The following BORCS7 variants were observed in gnomAD, a reference collection of about 807,000 sequenced individuals.
BORCS7 encodes BLOC-1-related complex subunit 7.
A neutral mutation model predicts 17.5 loss-of-function variants in BORCS7; 20 were observed. The ratio of observed to expected loss-of-function variants is 1.14; its 90% CI spans 0.80 to 1.66. The LOEUF (loss-of-function observed/expected upper bound fraction) is 1.66, where lower values mean the gene tolerates loss of function less well. Ranked by LOEUF, BORCS7 falls within the 40% of genes most tolerant of loss-of-function variation. The pLI, the probability that BORCS7 is intolerant of heterozygous loss-of-function variation, is 0.00. For synonymous variants in BORCS7, 57 were observed against 49.8 expected (o/e 1.14, Z -0.61); for missense variants, 122 against 129.7 (o/e 0.94, Z 0.29).
chr10:102,861,997 C>T (rs954011440), intron 3 of BORCS7, among the ~76,000 whole-genome samples, 163 bp from the exon 4 acceptor site: 3 of 152,180 alleles, frequency 2.0e-5, no homozygotes, highest in African/African-American at 7.2e-5. Context: ...GCTCTGCACT[C>T]AGACAGGAAT....
chr10:102,854,580 T>C (rs1283982144), intron 1 of BORCS7, 153 bp downstream of exon 1: 2 of 932,540 alleles, frequency 2.1e-6, no homozygotes, highest in Non-Finnish European at 3.1e-6. Flanking sequence ...TGTTGCATTC[T>C]GGGGTGTGCA....
rs574808435 is a variant in BORCS7 at position 102,863,132 on chromosome 10, G to A, written c.*208G>A. 2.3e-5 allele frequency: 10 copies of A among 443,464 alleles called. No homozygotes were observed. Among genetic ancestry groups the A allele is most frequent in the Non-Finnish European group, 3.7e-5 (9 of 243,394 alleles). 27.5% of individuals were successfully genotyped at this position (443,464 alleles called of 1,614,324 possible). On this transcript the variant is annotated 3_prime_UTR_variant, in exon 5 of 5. Coordinates refer to ENST00000339834, the MANE Select transcript of BORCS7 (RefSeq NM_001136200.2). Reference sequence around the variant, plus strand: ...GGGTGGATCACGAGGTCAGGAGTTCGAGACCAGCCTGGCCAAGATGGTGAA... The same window carrying A: ...GGGTGGATCACGAGGTCAGGAGTTCAAGACCAGCCTGGCCAAGATGGTGAA...
chr10:102,863,127 A>T lies in BORCS7; in HGVS notation c.*203A>T, dbSNP rs1168269395. ...GAGGCGGGTGGATCACGAGGTCAGG[A>T]GTTCGAGACCAGCCTGGCCAAGATG... is the stretch of plus-strand genomic sequence containing the variant. On this transcript the variant is annotated 3_prime_UTR_variant, in exon 5 of 5. Transcript: ENST00000339834. The T allele has an allele frequency of 2.2e-6, 1 of 460,570 alleles. No homozygotes were observed. Among genetic ancestry groups the T allele is most frequent in the African/African-American group, 2.0e-5 (1 of 49,624 alleles). The allele number at this position is 460,570 out of a possible 1,614,324, so 28.5% of individuals were successfully genotyped here. A position where few individuals can be genotyped will look rare whatever the true frequency, so the allele number is the denominator to read the frequency against.
Position 102,854,335 on chromosome 10 carries a change from G to A in BORCS7, c.49G>A (p.Val17Met), listed in dbSNP as rs775998610. The A allele has an allele frequency of 1.3e-6, 2 of 1,599,018 alleles. No homozygotes were observed. The highest frequency in any genetic ancestry group is 1.7e-6 in the Non-Finnish European group (2 of 1,172,778). Residue 17 changes from valine (V) to methionine (M), a missense_variant, in exon 1 of 5, where the codon GTG becomes ATG. By Grantham distance (21) the Val-to-Met change is conservative. Coordinates refer to ENST00000339834, the MANE Select transcript of BORCS7 (RefSeq NM_001136200.2). Reference protein sequence around the residue: ...PESQARFGQSVKGLLTEKVTT... With the variant: ...PESQARFGQSMKGLLTEKVTT... The stretch of plus-strand genomic sequence containing the variant: ...GTCTCAAGCGCGGTTCGGTCAGTCC[G>A]TGAAGGGGCTTCTCACGGAGAAGGT...
intron 1 of BORCS7, among the ~76,000 whole-genome samples, chr10:102,858,170 AAAAAAAAT>A (rs796647830): frequency 8.2e-6 from 1 of 121,632 alleles, no homozygotes; most frequent in African/African-American, 3.0e-5. Flanking sequence ...GTCTCAAAAA[AAAAAAAAT>A]ATATATATAT....
Position 102,863,170 on chromosome 10 carries a change from C to A in BORCS7, c.*246C>A. Reference sequence around the variant, plus strand: ...CCAAGATGGTGAAACCCCGTCTCTACTAAAAATACAAAGAATTAGCTGGGC... The same window carrying A: ...CCAAGATGGTGAAACCCCGTCTCTAATAAAAATACAAAGAATTAGCTGGGC... On this transcript the variant is annotated 3_prime_UTR_variant, in exon 5 of 5. Transcript: ENST00000339834. 1 of 336,976 alleles carries A rather than the reference C, an allele frequency of 3.0e-6. No homozygotes were observed. Among genetic ancestry groups the A allele is most frequent in the South Asian group, 3.8e-5 (1 of 26,570 alleles). The allele number at this position is 336,976 out of a possible 1,614,324, so 20.9% of individuals were successfully genotyped here. A position where few individuals can be genotyped will look rare whatever the true frequency, so the allele number is the denominator to read the frequency against.
rs1487686951 is a variant in BORCS7 at position 102,864,792 on chromosome 10, A to G, written c.*1868A>G. ...AAATAAACAACATACATAGAATTAA[A>G]TGGTGATCAAAAACATGGAAAAAAT... On this transcript the variant is annotated 3_prime_UTR_variant, in exon 5 of 5. Transcript: ENST00000339834. 1 of 152,182 alleles carries G rather than the reference A, an allele frequency of 6.6e-6. No individual in the cohort carries two copies. The highest frequency in any genetic ancestry group is 1.5e-5 in the Non-Finnish European group (1 of 68,002). The allele number at this position is 152,182 out of a possible 1,614,324, so 9.4% of individuals were successfully genotyped here.
At chr10:102,862,268 C>A (rs1844534789) in intron 4 of BORCS7, 88 bp downstream of exon 4, 2 of 1,272,302 alleles carry the variant, frequency 1.6e-6, no homozygotes, top group South Asian at 2.6e-5. Context: ...CAATACAAAA[C>A]CCTGGTTGAC....
At chr10:102,859,536 C>G (rs1844482677) in intron 1 of BORCS7, among the ~76,000 whole-genome samples, 1 of 93,154 alleles carries the variant, frequency 1.1e-5, no homozygotes, top group South Asian at 2.7e-4. Context: ...CTTCCCCACA[C>G]CCCCCACTGT....
intron 4 of BORCS7, 78 bp downstream of exon 4, chr10:102,862,258 C>A: frequency 7.2e-7 from 1 of 1,387,176 alleles, no homozygotes; most frequent in South Asian, 1.2e-5. Context: ...GGTCCAGAAT[C>A]AATACAAAAC....
At position 102,862,982 on chromosome 10, in the gene BORCS7, T is replaced by G; in HGVS notation, c.*58T>G. ...GCCTAATGCTGAGGAGTAAATACCT[T>G]ACACAGCTGTCCTCTGGGTTTGGTT... On this transcript the variant is annotated 3_prime_UTR_variant, in exon 5 of 5. Transcript: ENST00000339834. 7.2e-7 allele frequency: 1 copy of G among 1,384,814 alleles called. No individual in the cohort carries two copies. Among genetic ancestry groups the G allele is most frequent in the African/African-American group, 1.4e-5 (1 of 70,170 alleles). The allele number at this position is 1,384,814 out of a possible 1,614,324, so 85.8% of individuals were successfully genotyped here.
chr10:102,856,341 G>A (rs1437592002), intron 1 of BORCS7, among the ~76,000 whole-genome samples: 2 of 151,850 alleles, frequency 1.3e-5, no homozygotes, highest in Admixed American at 1.3e-4. Context: ...CTTAAGCCCA[G>A]GGGTTCGAGA....
intron 1 of BORCS7, among the ~76,000 whole-genome samples, chr10:102,856,183 C>A (rs1350181684): frequency 6.6e-6 from 1 of 152,168 alleles, no homozygotes; most frequent in African/African-American, 2.4e-5. Context: ...AGGCTTGTCT[C>A]TTGCATGCCT....
chr10:102,854,312 C>G lies in BORCS7; in HGVS notation c.26C>G (p.Ser9Cys). The G allele has an allele frequency of 1.2e-6, 2 of 1,604,910 alleles. No individual in the cohort carries two copies. Among genetic ancestry groups the G allele is most frequent in the Middle Eastern group, 1.7e-4 (1 of 6,040 alleles). The change falls in exon 1 of 5, where the codon TCT becomes TGT. Residue 9 changes from serine to cysteine, a missense_variant. By Grantham distance (112) the Ser-to-Cys change is moderately radical. Coordinates refer to ENST00000339834, the MANE Select transcript of BORCS7 (RefSeq NM_001136200.2). ...ATGATGGCGACTGGAACGCCAGAGT[C>G]TCAAGCGCGGTTCGGTCAGTCCGTG... MMATGTPE[S>C]QARFGQSVKG...
At position 102,862,935 on chromosome 10, in the gene BORCS7, A is replaced by AAG; in HGVS notation, c.*14_*15dup. ...CATCTGTTGAAATAGAATGACATGT[A>AAG]AGAGTGCTGTAGGACTCCTTTGCCT... On this transcript the variant is annotated 3_prime_UTR_variant, in exon 5 of 5. Transcript: ENST00000339834. The AAG allele has an allele frequency of 6.2e-7, 1 of 1,602,360 alleles. No individual in the cohort carries two copies. Among genetic ancestry groups the AAG allele is most frequent in the Non-Finnish European group, 8.6e-7 (1 of 1,169,224 alleles).
chr10:102,860,120 G>A (rs945827622), intron 1 of BORCS7, among the ~76,000 whole-genome samples: 1 of 152,180 alleles, frequency 6.6e-6, no homozygotes, highest in African/African-American at 2.4e-5. Context: ...TGAAACAGAT[G>A]TCGGGTCCAT....
At chr10:102,861,977 C>A (rs1057457622) in intron 3 of BORCS7, among the ~76,000 whole-genome samples, 183 bp from the exon 4 acceptor site, 10 of 152,292 alleles carry the variant, frequency 6.6e-5, no homozygotes, top group African/African-American at 2.4e-4. Context: ...TAGATTCCAT[C>A]TTTTCAGCAG....
intron 3 of BORCS7, 77 bp from the exon 4 acceptor site, chr10:102,862,083 C>T: frequency 7.3e-7 from 1 of 1,376,760 alleles, no homozygotes; most frequent in Non-Finnish European, 1.0e-6. Context: ...TTTCTTCTGC[C>T]TATATGTATT....
chr10:102,857,817 T>G (rs1844452216), intron 1 of BORCS7, among the ~76,000 whole-genome samples: 1 of 151,940 alleles, frequency 6.6e-6, no homozygotes, highest in Non-Finnish European at 1.5e-5. Flanking sequence ...GAATAGGAGA[T>G]TCAATATGTA....
Sources: allele counts gnomAD v4.1 joint callset (sites outside exome capture counted in the v4.1 genomes callset), GRCh38; gene constraint gnomAD v4.1.1; transcripts MANE v1.5; gene names NCBI Gene and HGNC (gene_info 2026-07-23, HGNC 2026-07-21).